KYAT3: variants seen among roughly 807,000 people sequenced by gnomAD.
KYAT3 encodes the protein kynurenine--oxoglutarate transaminase 3.
KYAT3 carries 50 observed loss-of-function variants against 59.0 expected under a neutral mutation model. That is an observed-to-expected ratio of 0.85 (90% CI 0.68 to 1.07). The LOEUF is 1.07. Ranked by LOEUF, KYAT3 falls within the 50% of genes least tolerant of loss-of-function variation. The pLI is 0.00. For missense variants in KYAT3, 497 were observed against 533.3 expected, an observed-to-expected ratio of 0.93 and a Z score of 0.67; for synonymous variants, 148 against 177.0, an observed-to-expected ratio of 0.84 and a Z score of 1.30.
At chr1:88,989,931 C>T (rs1476628285) in intron 1 of KYAT3, among the ~76,000 whole-genome samples, 1 of 152,182 alleles carries the variant, frequency 6.6e-6, no homozygotes, top group Non-Finnish European at 1.5e-5. Flanking sequence ...TTGTGGTCAT[C>T]AGTCTTAAAT....
chr1:88,922,591 G>A, the KYAT3 span, among the ~76,000 whole-genome samples: 1 of 152,160 alleles, frequency 6.6e-6, no homozygotes, highest in Admixed American at 6.5e-5. Flanking sequence ...TGCTCCTTAT[G>A]AGAATCTAAC....
the KYAT3 span, among the ~76,000 whole-genome samples, chr1:88,928,399 C>T: frequency 2.0e-5 from 3 of 152,038 alleles, no homozygotes; most frequent in East Asian, 1.9e-4. Context: ...AAAGGGCCAC[C>T]GCTTTAGTCA....
At chr1:88,956,663 A>T (rs542047917) in intron 8 of KYAT3, among the ~76,000 whole-genome samples, 55 of 152,338 alleles carry the variant, frequency 3.6e-4, no homozygotes, top group African/African-American at 1.3e-3. Context: ...GTAATTCTTA[A>T]GCTGAGACAT....
At chr1:88,948,369 C>T (rs1206081504) in intron 11 of KYAT3, among the ~76,000 whole-genome samples, 1 of 152,102 alleles carries the variant, frequency 6.6e-6, no homozygotes, top group East Asian at 1.9e-4. Flanking sequence ...TCAAGGTTTA[C>T]TATTACTAAT....
At chr1:88,969,565 T>G (rs1391577933) in intron 2 of KYAT3, 98 bp from the exon 3 acceptor site, 4 of 678,460 alleles carry the variant, frequency 5.9e-6, no homozygotes, top group Non-Finnish European at 1.1e-5. Flanking sequence ...ACTGTTACCA[T>G]GTAAATAGTA....
intron 13 of KYAT3, among the ~76,000 whole-genome samples, chr1:88,940,760 G>A (rs1485604875): frequency 6.6e-6 from 1 of 152,148 alleles, no homozygotes; most frequent in Non-Finnish European, 1.5e-5. Context: ...TTTCCACCTT[G>A]CCTTACATAG....
At chr1:88,971,257 T>A (rs528754807) in intron 2 of KYAT3, among the ~76,000 whole-genome samples, 3 of 152,344 alleles carry the variant, frequency 2.0e-5, no homozygotes, top group Admixed American at 6.5e-5. Context: ...TAATTGAGGT[T>A]GAAATGCACT....
rs755276295 is a variant in KYAT3, at chr1:88,962,040, A to T, written c.540+19T>A. 1 of 1,579,642 alleles carries T rather than the reference A, an allele frequency of 6.3e-7. No homozygotes were observed. On this transcript the variant is annotated intron_variant, in intron 6 of 13. Coordinates refer to ENST00000260508, the MANE Select transcript of KYAT3 (RefSeq NM_001008661.3). ...TAAGTCTTGAAACTTTGCCATATGA[A>T]CCATACTGGCAAACTTACAGATCTC...
intron 2 of KYAT3, chr1:88,979,408 T>A (rs1266408982): frequency 6.6e-6 from 1 of 152,192 alleles, no homozygotes; most frequent in Non-Finnish European, 1.5e-5. Context: ...TCTTAAAAAG[T>A]TGCCAGATTC....
At position 88,962,089 on chromosome 1, in the gene KYAT3, TC is replaced by T; in HGVS notation, c.509del (p.Gly170GlufsTer9). On this transcript the variant is annotated frameshift_variant, in exon 6 of 14. Coordinates refer to ENST00000260508, the MANE Select transcript of KYAT3 (RefSeq NM_001008661.3). LOFTEE classifies it high-confidence loss of function. ...DCYEPMVRMA[G>X]ATPVFIPLRS... Reference sequence around the variant, plus strand: ...TCAGGGGAATAAAAACAGGTGTTGCTCCAGCCATTCTCACCATGGGCTCATA... The same window carrying T: ...TCAGGGGAATAAAAACAGGTGTTGCTCAGCCATTCTCACCATGGGCTCATA... 6.2e-7 allele frequency: 1 copy of T among 1,613,254 alleles called. No individual in the cohort carries two copies. Among genetic ancestry groups the T allele is most frequent in the Non-Finnish European group, 8.5e-7 (1 of 1,179,822 alleles).
the KYAT3 span, chr1:88,923,637 GC>G: frequency 6.1e-6 from 1 of 165,276 alleles, no homozygotes; most frequent in Admixed American, 6.5e-5. Flanking sequence ...TCTGTGTAAG[GC>G]CAATCAGAGA....
At chr1:88,985,604 G>T (rs1677405910) in intron 2 of KYAT3, among the ~76,000 whole-genome samples, 1 of 152,204 alleles carries the variant, frequency 6.6e-6, no homozygotes, top group South Asian at 2.1e-4. Context: ...AGTGTGTGAA[G>T]TAGGCAGGTT....
chr1:88,935,378 A>C (rs111857636), downstream of KYAT3, among the ~76,000 whole-genome samples: 1 of 146,106 alleles, frequency 6.8e-6, no homozygotes, highest in Non-Finnish European at 1.5e-5. Context: ...GAGAGAGAGA[A>C]AAAAAAAAGG....
intron 8 of KYAT3, among the ~76,000 whole-genome samples, chr1:88,956,402 T>G (rs1259538440): frequency 1.3e-5 from 2 of 152,206 alleles, no homozygotes; most frequent in Non-Finnish European, 2.9e-5. Flanking sequence ...TTCAAGTTGT[T>G]TAACATCTTT....
intron 11 of KYAT3, among the ~76,000 whole-genome samples, chr1:88,944,170 T>C (rs1675348615): frequency 6.6e-6 from 1 of 152,238 alleles, no homozygotes; most frequent in Admixed American, 6.5e-5. Context: ...TCAACTTTAT[T>C]GACTTGTACT....
At chr1:88,943,171 C>T in intron 12 of KYAT3, 80 bp from the exon 13 acceptor site, 1 of 1,147,114 alleles carries the variant, frequency 8.7e-7, no homozygotes, top group Non-Finnish European at 1.3e-6. Flanking sequence ...ATACTAGAGG[C>T]AACTAGATAC....
At chr1:88,984,271 G>A (rs1677311583) in intron 2 of KYAT3, among the ~76,000 whole-genome samples, 1 of 136,140 alleles carries the variant, frequency 7.3e-6, no homozygotes, top group Admixed American at 8.1e-5. Context: ...CTGGAGTGCA[G>A]CGGCGCAATC....
At chr1:88,945,687 C>T (rs1675414359) in intron 11 of KYAT3, among the ~76,000 whole-genome samples, 1 of 152,156 alleles carries the variant, frequency 6.6e-6, no homozygotes, top group Non-Finnish European at 1.5e-5. Context: ...TTACTATTTT[C>T]ATGAATATTA....
chr1:88,952,423 T>C (rs1026908089), intron 10 of KYAT3, among the ~76,000 whole-genome samples: 3 of 152,226 alleles, frequency 2.0e-5, no homozygotes, highest in Middle Eastern at 3.4e-3. Context: ...ATGGGAGTGG[T>C]TTCTCATGAA....
Sources: allele counts gnomAD v4.1 joint callset (sites outside exome capture counted in the v4.1 genomes callset), GRCh38; gene constraint gnomAD v4.1.1; transcripts MANE v1.5; gene names NCBI Gene and HGNC (gene_info 2026-07-23, HGNC 2026-07-21).